SPAG16: variants seen among roughly 807,000 people sequenced by gnomAD.
SPAG16 encodes sperm-associated antigen 16 protein.
A neutral mutation model predicts 80.4 loss-of-function variants in SPAG16; 86 were observed. The ratio of observed to expected loss-of-function variants is 1.07; its 90% CI spans 0.90 to 1.28. The LOEUF is 1.28. Ranked by LOEUF, SPAG16 falls within the 50% of genes most tolerant of loss-of-function variation. SPAG16 has a pLI of 0.00. For missense variants in SPAG16, 870 were observed against 765.3 expected (o/e 1.14, Z -1.61); for synonymous variants, 294 against 265.9 (o/e 1.11, Z -1.03).
chr2:214,018,865 C>A (rs750751748), intron 13 of SPAG16, among the ~76,000 whole-genome samples: 1 of 152,140 alleles, frequency 6.6e-6, no homozygotes, highest in Non-Finnish European at 1.5e-5. Context: ...TTAATATGAT[C>A]TAACACCTTT....
chr2:213,306,893 A>T (rs772195176), intron 3 of SPAG16, among the ~76,000 whole-genome samples: 2 of 152,166 alleles, frequency 1.3e-5, no homozygotes, highest in African/African-American at 2.4e-5. Context: ...TCTTTCAGCA[A>T]TATGAAGTTA....
chr2:213,449,526 C>A (rs1192172417), intron 9 of SPAG16, among the ~76,000 whole-genome samples: 4 of 152,184 alleles, frequency 2.6e-5, no homozygotes, highest in Non-Finnish European at 5.9e-5. Context: ...TGTGATGTCA[C>A]CCCTCGCGGC....
At chr2:213,820,391 G>T (rs1001439624) in intron 10 of SPAG16, among the ~76,000 whole-genome samples, 2 of 151,772 alleles carry the variant, frequency 1.3e-5, no homozygotes, top group African/African-American at 4.8e-5. Flanking sequence ...TTATTTTGTC[G>T]TAGCTTACAG....
chr2:214,146,095 A>T (rs2055624316), intron 14 of SPAG16, among the ~76,000 whole-genome samples: 1 of 152,204 alleles, frequency 6.6e-6, no homozygotes, highest in African/African-American at 2.4e-5. Context: ...ATGAAATCTC[A>T]CCTATCTTTA....
At chr2:213,615,896 G>A (rs951995494) in intron 10 of SPAG16, among the ~76,000 whole-genome samples, 1 of 152,062 alleles carries the variant, frequency 6.6e-6, no homozygotes, top group Non-Finnish European at 1.5e-5. Context: ...CCATTTTGGG[G>A]GTGGGGGCAA....
chr2:213,729,166 C>T (rs766293575), intron 10 of SPAG16, among the ~76,000 whole-genome samples: 36 of 152,094 alleles, frequency 2.4e-4, no homozygotes, highest in Non-Finnish European at 4.7e-4. Flanking sequence ...ATAAAATATG[C>T]GGTTATCAAA....
intron 12 of SPAG16, among the ~76,000 whole-genome samples, chr2:213,939,037 C>T (rs1050959682): frequency 6.6e-6 from 1 of 152,014 alleles, no homozygotes; most frequent in African/African-American, 2.4e-5. Flanking sequence ...GTCAAGGAAC[C>T]ATGGAATAAT....
At chr2:214,301,216 A>G (rs953166711) in intron 15 of SPAG16, among the ~76,000 whole-genome samples, 4 of 144,366 alleles carry the variant, frequency 2.8e-5, no homozygotes, top group African/African-American at 8.3e-5. Flanking sequence ...CAAAAATCAT[A>G]TGATAATATC....
chr2:213,328,751 T>C (rs1376819836), intron 5 of SPAG16, among the ~76,000 whole-genome samples: 1 of 152,184 alleles, frequency 6.6e-6, no homozygotes, highest in East Asian at 1.9e-4. Flanking sequence ...TACTGCTACC[T>C]CAGGAGTAGG....
chr2:213,946,757 A>T (rs939510836), intron 12 of SPAG16, among the ~76,000 whole-genome samples: 57 of 152,258 alleles, frequency 3.7e-4, no homozygotes, highest in African/African-American at 1.3e-3. Flanking sequence ...TCACATGTGT[A>T]GATTAGAGCA....
At chr2:213,483,370 T>C (rs968907523) in intron 9 of SPAG16, among the ~76,000 whole-genome samples, 88 of 152,232 alleles carry the variant, frequency 5.8e-4, no homozygotes, top group Non-Finnish European at 1.0e-3. Context: ...TTGATACATA[T>C]TGCCAAATTT....
chr2:214,407,846 A>AT (rs974224719), intron 15 of SPAG16, among the ~76,000 whole-genome samples: 1 of 152,116 alleles, frequency 6.6e-6, no homozygotes, highest in Non-Finnish European at 1.5e-5. Context: ...AGCAAAACTA[A>AT]TTTTTAAGTC....
At chr2:214,023,340 G>A (rs1377326895) in intron 13 of SPAG16, among the ~76,000 whole-genome samples, 1 of 151,434 alleles carries the variant, frequency 6.6e-6, no homozygotes, top group Admixed American at 6.6e-5. Context: ...TGACTGGTTT[G>A]GCTTTCACAT....
At position 213,409,099 on chromosome 2, in the gene SPAG16, C is replaced by A. The variant is rs1292128950; in HGVS notation, c.942+33980C>A. The stretch of plus-strand genomic sequence containing the variant: ...GGAATGTTCCATGGTAAATTATTGT[C>A]CTGAAATAAATTAACTGTTTTTTTT... On this transcript the variant is annotated intron_variant, in intron 9 of 15. Transcript: ENST00000331683. 2.1e-5 allele frequency among the ~76,000 whole-genome samples: 3 copies of A among 141,512 alleles called. No homozygotes were observed. The East Asian group carries it at 6.0e-4, about 28-fold the overall frequency. 92.8% of individuals were successfully genotyped at this position (141,512 alleles called of 152,430 possible).
chr2:213,607,174 T>C (rs1444566637), intron 10 of SPAG16, among the ~76,000 whole-genome samples: 1 of 152,228 alleles, frequency 6.6e-6, no homozygotes, highest in Non-Finnish European at 1.5e-5. Flanking sequence ...GTTTCTTCCA[T>C]GAACATATTT....
intron 13 of SPAG16, among the ~76,000 whole-genome samples, chr2:214,099,110 T>C (rs2052809775): frequency 6.6e-6 from 1 of 152,110 alleles, no homozygotes; most frequent in Non-Finnish European, 1.5e-5. Flanking sequence ...TGTTTACTTG[T>C]AAGCAGGGCT....
At chr2:214,101,332 A>G (rs1053287396) in intron 13 of SPAG16, among the ~76,000 whole-genome samples, 1 of 151,922 alleles carries the variant, frequency 6.6e-6, no homozygotes, top group Non-Finnish European at 1.5e-5. Context: ...TATGTCCTTC[A>G]TGGGTTGGAA....
At chr2:213,758,830 A>G (rs181437548) in intron 10 of SPAG16, among the ~76,000 whole-genome samples, 4 of 152,324 alleles carry the variant, frequency 2.6e-5, no homozygotes, top group African/African-American at 9.6e-5. Context: ...TTCAAGGAAG[A>G]TGAACTCAAA....
intron 13 of SPAG16, among the ~76,000 whole-genome samples, chr2:214,076,162 C>T (rs2051062967): frequency 1.3e-5 from 2 of 152,052 alleles, no homozygotes; most frequent in African/African-American, 4.8e-5. Flanking sequence ...ACCCAAAAAT[C>T]GTTTCTATTT....
Sources: gnomAD v4.1 joint callset for allele counts (sites outside exome capture counted in the v4.1 genomes callset) on GRCh38, gnomAD v4.1.1 for gene constraint, MANE v1.5 for transcripts, NCBI Gene and HGNC (gene_info 2026-07-23, HGNC 2026-07-21) for gene names.